ARHGAP28: variants seen among roughly 807,000 people sequenced by gnomAD.
ARHGAP28 encodes the protein rho GTPase-activating protein 28.
ARHGAP28 carries 56 observed loss-of-function variants against 90.7 expected under a neutral mutation model. The ratio of observed to expected loss-of-function variants is 0.62; its 90% CI spans 0.50 to 0.77. ARHGAP28 has a LOEUF of 0.77. Among genes scored for constraint, ARHGAP28 ranks in the 30% least tolerant of loss-of-function variants. ARHGAP28 has a pLI of 0.00. For missense variants in ARHGAP28, 869 were observed against 900.9 expected (o/e 0.96, Z 0.45); for synonymous variants, 308 against 323.3 (o/e 0.95, Z 0.51).
chr18:6,883,164 T>C (rs2057192666), intron 11 of ARHGAP28, among the ~76,000 whole-genome samples: 1 of 151,960 alleles, frequency 6.6e-6, no homozygotes, highest in Non-Finnish European at 1.5e-5. Context: ...TTCTCCGTAA[T>C]GGTTGCTGTG....
chr18:6,910,243 C>T (rs1033327089), intron 17 of ARHGAP28, among the ~76,000 whole-genome samples: 2 of 152,182 alleles, frequency 1.3e-5, no homozygotes, highest in East Asian at 3.9e-4. Context: ...TCCCACTTTT[C>T]CTAGCTGCGC....
At chr18:6,858,951 A>G (rs997248506) in intron 4 of ARHGAP28, among the ~76,000 whole-genome samples, 1 of 152,208 alleles carries the variant, frequency 6.6e-6, no homozygotes, top group Non-Finnish European at 1.5e-5. Context: ...GTCAAGCAAA[A>G]TACATTCAAT....
intron 3 of ARHGAP28, among the ~76,000 whole-genome samples, chr18:6,845,869 G>A (rs1012267137): frequency 6.6e-6 from 1 of 152,190 alleles, no homozygotes; most frequent in South Asian, 2.1e-4. Context: ...GTGGGAAAAA[G>A]TACACTATCT....
rs998681357 is a variant in ARHGAP28, at chr18:6,863,252, A to C, written c.726+3355A>C. 7.9e-5 allele frequency among the ~76,000 whole-genome samples: 12 copies of C among 152,112 alleles called. 2 individuals carry two copies. Among genetic ancestry groups the C allele is most frequent in the Admixed American group, 2.0e-4 (3 of 15,266 alleles). On this transcript the variant is annotated intron_variant, in intron 5 of 17. Transcript: ENST00000383472. ...ATCATTAAGGAGAGTATTTATTCTA[A>C]GATTCTGAGCTTTATAATTGTTTTA...
At position 6,912,066 on chromosome 18, in the gene ARHGAP28, A is replaced by G. The variant is rs374455295; in HGVS notation, c.2102A>G (p.His701Arg). The G allele has an allele frequency of 5.0e-6, 8 of 1,599,312 alleles. No homozygotes were observed. The highest frequency in any genetic ancestry group is 4.5e-5 in the East Asian group (2 of 44,664). The change falls in exon 18 of 18, where the codon CAT becomes CGT. Residue 701 changes from histidine to arginine, a missense_variant. Transcript: ENST00000383472. ...LYEIGGNIGE[H>R]CLDPDAYILD... is the part of the protein sequence containing the mutation. ...ATCTTTCTCTTTCTTTTAGGAGAGC[A>G]TTGCTTGGATCCAGATGCTTATATA...
At chr18:6,816,373 G>A (rs938856217) in intron 1 of ARHGAP28, among the ~76,000 whole-genome samples, 1 of 152,148 alleles carries the variant, frequency 6.6e-6, no homozygotes, top group Non-Finnish European at 1.5e-5. Flanking sequence ...CTATCTGAAC[G>A]GCCTTCTGAG....
At chr18:6,838,149 G>A (rs1294840548) in intron 3 of ARHGAP28, among the ~76,000 whole-genome samples, 4 of 152,150 alleles carry the variant, frequency 2.6e-5, no homozygotes, top group South Asian at 2.1e-4. Context: ...CATTATCTGC[G>A]CAAGATCCTA....
intron 3 of ARHGAP28, among the ~76,000 whole-genome samples, chr18:6,848,910 C>T (rs957302696): frequency 6.6e-6 from 1 of 152,088 alleles, no homozygotes; most frequent in Non-Finnish European, 1.5e-5. Flanking sequence ...ACTTGGCTTT[C>T]ACTATGCCTT....
At chr18:6,885,494 G>A (rs772927135) in intron 11 of ARHGAP28, among the ~76,000 whole-genome samples, 13 of 152,030 alleles carry the variant, frequency 8.6e-5, no homozygotes, top group East Asian at 1.9e-4. Flanking sequence ...AAACTTGACC[G>A]TAAAATTAAA....
At chr18:6,834,175 GA>G (rs1254123431) in intron 2 of ARHGAP28, among the ~76,000 whole-genome samples, 1 of 151,028 alleles carries the variant, frequency 6.6e-6, no homozygotes, top group East Asian at 1.9e-4. Flanking sequence ...AAAAAAAGCA[GA>G]ATTTTTTTTC....
At chr18:6,806,251 A>G (rs1015653053) in intron 1 of ARHGAP28, among the ~76,000 whole-genome samples, 2 of 151,884 alleles carry the variant, frequency 1.3e-5, no homozygotes, top group African/African-American at 4.8e-5. Flanking sequence ...GGTTTAATTG[A>G]CAATTATTTG....
chr18:6,752,536 T>C (rs1286520516), intron 1 of ARHGAP28, among the ~76,000 whole-genome samples: 2 of 152,238 alleles, frequency 1.3e-5, no homozygotes, highest in Non-Finnish European at 2.9e-5. Flanking sequence ...AAATTTGAGA[T>C]CATTTGTGTC....
At chr18:6,773,624 C>T (rs141105346) in intron 1 of ARHGAP28, among the ~76,000 whole-genome samples, 5 of 152,214 alleles carry the variant, frequency 3.3e-5, no homozygotes, top group East Asian at 1.9e-4. Flanking sequence ...CCATAAGTTG[C>T]GTGGTTTCTC....
chr18:6,887,262 C>G (rs369277583), intron 12 of ARHGAP28, 23 bp downstream of exon 12: 1 of 1,608,554 alleles, frequency 6.2e-7, no homozygotes, highest in Non-Finnish European at 8.5e-7. Flanking sequence ...CACCTCACAG[C>G]TTGTCCTGGG....
intron 1 of ARHGAP28, among the ~76,000 whole-genome samples, chr18:6,768,447 T>C (rs2143387740): frequency 6.6e-6 from 1 of 152,320 alleles, no homozygotes; most frequent in South Asian, 2.1e-4. Context: ...TTAGTTTCAC[T>C]AAAGTGAGAG....
intron 3 of ARHGAP28, among the ~76,000 whole-genome samples, chr18:6,850,323 C>T (rs2056899840): frequency 6.6e-6 from 1 of 152,150 alleles, no homozygotes; most frequent in Admixed American, 6.5e-5. Flanking sequence ...TGTTGGTTTT[C>T]TCTTGATACT....
intron 11 of ARHGAP28, among the ~76,000 whole-genome samples, chr18:6,885,379 T>C (rs554493492): frequency 9.9e-5 from 15 of 152,192 alleles, no homozygotes; most frequent in African/African-American, 3.1e-4. Flanking sequence ...CAAGCGCGTG[T>C]GTGTGTGTGT....
chr18:6,785,717 C>G (rs550586527), intron 1 of ARHGAP28, among the ~76,000 whole-genome samples: 1 of 152,162 alleles, frequency 6.6e-6, no homozygotes, highest in South Asian at 2.1e-4. Flanking sequence ...AAGGGATTAC[C>G]GTGCCTGTGA....
intron 2 of ARHGAP28, chr18:6,836,021 T>C (rs1313482203): frequency 1.3e-5 from 2 of 152,216 alleles, no homozygotes; most frequent in East Asian, 3.9e-4. Context: ...TGTTTGCCTT[T>C]CACAGGATAC....
Sources: allele counts gnomAD v4.1 joint callset (sites outside exome capture counted in the v4.1 genomes callset), GRCh38; gene constraint gnomAD v4.1.1; transcripts MANE v1.5; gene names NCBI Gene and HGNC (gene_info 2026-07-23, HGNC 2026-07-21).